ZNF521: variants seen among roughly 807,000 people sequenced by gnomAD.
The protein encoded by ZNF521 is LYST-interacting protein 3.
A neutral mutation model predicts 105.5 loss-of-function variants in ZNF521; 14 were observed. The ratio of observed to expected loss-of-function variants is 0.13; its 90% CI spans 0.09 to 0.21. ZNF521 has a LOEUF of 0.21. Ranked by LOEUF, ZNF521 falls within the 10% of genes least tolerant of loss-of-function variation. The pLI is 1.00. For missense variants in ZNF521, 1,233 were observed against 1,629.7 expected, an observed-to-expected ratio of 0.76 and a Z score of 4.19; for synonymous variants, 635 against 606.0, an observed-to-expected ratio of 1.05 and a Z score of -0.70.
chr18:25,268,336 T>C (rs1909414379), intron 3 of ZNF521, among the ~76,000 whole-genome samples: 1 of 152,034 alleles, frequency 6.6e-6, no homozygotes, highest in African/African-American at 2.4e-5. Flanking sequence ...ATGGGGACAA[T>C]AGAACCAAGT....
At chr18:25,101,896 G>A (rs762983662) in intron 5 of ZNF521, among the ~76,000 whole-genome samples, 17 of 152,080 alleles carry the variant, frequency 1.1e-4, no homozygotes, top group Admixed American at 3.3e-4. Context: ...GGCTCAAGCA[G>A]CCAACTACGT....
intron 2 of ZNF521, among the ~76,000 whole-genome samples, chr18:25,349,559 G>T (rs1914613923): frequency 6.6e-6 from 1 of 152,148 alleles, no homozygotes; most frequent in Non-Finnish European, 1.5e-5. Flanking sequence ...TGTGTGCGGT[G>T]AGGGCTCCGT....
At chr18:25,174,005 TAACTC>T (rs1248064630) in intron 5 of ZNF521, among the ~76,000 whole-genome samples, 4 of 152,200 alleles carry the variant, frequency 2.6e-5, no homozygotes, top group Non-Finnish European at 4.4e-5. Context: ...GAGCACTAAT[TAACTC>T]AAGAGTTAAC....
chr18:25,335,354 G>T (rs1568085117), intron 2 of ZNF521, among the ~76,000 whole-genome samples: 1 of 152,112 alleles, frequency 6.6e-6, no homozygotes, highest in Admixed American at 6.5e-5. Context: ...CAGCAAGTGG[G>T]TCATCTCTAG....
At chr18:25,254,097 C>A (rs1256683997) in intron 3 of ZNF521, among the ~76,000 whole-genome samples, 1 of 152,030 alleles carries the variant, frequency 6.6e-6, no homozygotes, top group African/African-American at 2.4e-5. Context: ...AAGTTCTTTG[C>A]CTAAAGTCCT....
At chr18:25,306,221 A>G (rs563336820) in intron 3 of ZNF521, among the ~76,000 whole-genome samples, 1 of 151,846 alleles carries the variant, frequency 6.6e-6, no homozygotes, top group East Asian at 1.9e-4. Context: ...GAATGATTAC[A>G]TTGATTTTTT....
Position 25,226,276 on chromosome 18 carries a change from C to T in ZNF521, c.1642G>A (p.Val548Met). ...DLSGSRFGSP[V>M]LGTPKEPVVE... is the part of the protein sequence containing the mutation. ...ACTGGTTCTTTGGGAGTCCCAAGCA[C>T]TGGAGACCCAAATCGGGAGCCACTG... Residue 548 changes from valine to methionine, a missense_variant, in exon 4 of 8, where the codon GTG becomes ATG. Val to Met is a conservative substitution (Grantham distance 21). This residue lies in a region of ZNF521 where 380 missense variants were observed against 478.0 expected (regional missense o/e 0.80). Coordinates refer to ENST00000361524, the MANE Select transcript of ZNF521 (RefSeq NM_015461.3). The surrounding 1 kb of genome is among the most constrained non-coding windows in gnomAD (Gnocchi z 4.1). The T allele has an allele frequency of 6.2e-7, 1 of 1,614,204 alleles. No homozygotes were observed.
rs8091240 is a variant in ZNF521, at chr18:25,340,950, A to G, written c.40+9957T>C. ...AATGGTTTTATTTTGAAGATTAAAAATTTGGTATAATGATGCAATAGTTAT... is the reference window on the plus strand; with the variant it reads ...AATGGTTTTATTTTGAAGATTAAAAGTTTGGTATAATGATGCAATAGTTAT... On this transcript the variant is annotated intron_variant, in intron 2 of 7. Coordinates refer to ENST00000361524, the MANE Select transcript of ZNF521 (RefSeq NM_015461.3). Among the ~76,000 whole-genome samples the G allele has an allele frequency of 8.7e-3, 1,326 of 152,328 alleles. 14 individuals are homozygous for G. Among genetic ancestry groups the G allele is most frequent in the African/African-American group, 0.031 (1,273 of 41,570 alleles).
chr18:25,323,003 T>C (rs1236535119), intron 2 of ZNF521, among the ~76,000 whole-genome samples: 1 of 151,990 alleles, frequency 6.6e-6, no homozygotes, highest in Non-Finnish European at 1.5e-5. Context: ...GAAAAGCACG[T>C]GGAATGCTTT....
intron 4 of ZNF521, chr18:25,201,629 C>A (rs1179033390): frequency 6.6e-6 from 1 of 152,192 alleles, no homozygotes; most frequent in African/African-American, 2.4e-5. Flanking sequence ...TCCCATAGCT[C>A]TCAGCTCCCT....
In ZNF521 at chr18:25,223,041, T is replaced by G. The variant is rs539067019; in HGVS notation, c.3573+1304A>C. Among the ~76,000 whole-genome samples the G allele has an allele frequency of 2.0e-3, 308 of 152,318 alleles. 3 individuals carry two copies. The highest frequency in any genetic ancestry group is 6.6e-3 in the African/African-American group (275 of 41,568). On this transcript the variant is annotated intron_variant, in intron 4 of 7. Coordinates refer to ENST00000361524, the MANE Select transcript of ZNF521 (RefSeq NM_015461.3). The stretch of plus-strand genomic sequence containing the variant: ...GTGTTCGCTGTGTTGGTCCTTTAAC[T>G]TTTCTATAGGTTTAAAAAATTCCGA...
At chr18:25,180,746 A>C (rs1190456094) in intron 5 of ZNF521, among the ~76,000 whole-genome samples, 1 of 152,112 alleles carries the variant, frequency 6.6e-6, no homozygotes, top group Non-Finnish European at 1.5e-5. Context: ...TTCCAGCCCA[A>C]AACGATTGAG....
At chr18:25,203,494 G>A (rs1482718912) in intron 4 of ZNF521, among the ~76,000 whole-genome samples, 1 of 152,114 alleles carries the variant, frequency 6.6e-6, no homozygotes, top group Non-Finnish European at 1.5e-5. Flanking sequence ...GTTTGTGCCT[G>A]TATTTCTAGC....
chr18:25,226,942 A>G lies in ZNF521; in HGVS notation c.976T>C (p.Tyr326His). The G allele has an allele frequency of 6.2e-7, 1 of 1,613,900 alleles. No homozygotes were observed. The highest frequency in any genetic ancestry group is 8.5e-7 in the Non-Finnish European group (1 of 1,179,996). Reference protein sequence around the residue: ...SESFHTVEELYSHMDSHQQPE... With the variant: ...SESFHTVEELHSHMDSHQQPE... ...TGCTGGTGACTGTCCATGTGGCTGT[A>G]CAGTTCCTCAACTGTGTGGAAACTC... Residue 326 changes from tyrosine (Y) to histidine (H), a missense_variant, in exon 4 of 8, where the codon TAC becomes CAC. Around this residue, in one of 6 missense-constraint regions of ZNF521, gnomAD observed 380 missense variants for 478.0 expected, o/e 0.80. Transcript: ENST00000361524. This position sits in a 1 kb window ranked among gnomAD's most constrained non-coding sequence, Gnocchi z 4.1.
intron 2 of ZNF521, chr18:25,327,376 G>A: frequency 3.8e-6 from 4 of 1,055,490 alleles, no homozygotes; most frequent in Non-Finnish European, 4.6e-6. Context: ...GTCTAATGAT[G>A]TTGTATTTAA....
intron 5 of ZNF521, among the ~76,000 whole-genome samples, chr18:25,137,226 T>C (rs1241119259): frequency 6.6e-6 from 1 of 152,148 alleles, no homozygotes; most frequent in Non-Finnish European, 1.5e-5. Context: ...ACAACCACAG[T>C]GTATGGCATG....
chr18:25,092,111 A>G (rs2144219502), intron 5 of ZNF521, 30 bp from the exon 6 acceptor site: 1 of 1,612,786 alleles, frequency 6.2e-7, no homozygotes, highest in South Asian at 1.1e-5. Flanking sequence ...AAGAGAAATG[A>G]TGAAAACCTG....
At chr18:25,335,332 G>A (rs979913042) in intron 2 of ZNF521, among the ~76,000 whole-genome samples, 3 of 152,090 alleles carry the variant, frequency 2.0e-5, no homozygotes, top group Non-Finnish European at 2.9e-5. Flanking sequence ...TAAGGTCTTT[G>A]GGTCTTGGAG....
At chr18:25,067,518 G>A (rs1313874141) in intron 7 of ZNF521, among the ~76,000 whole-genome samples, 1 of 152,030 alleles carries the variant, frequency 6.6e-6, no homozygotes, top group Non-Finnish European at 1.5e-5. Flanking sequence ...TTTTCTGAGA[G>A]CTGACCACAT....
Sources: gnomAD v4.1 joint callset for allele counts (sites outside exome capture counted in the v4.1 genomes callset) on GRCh38, gnomAD v4.1.1 for gene constraint, gnomAD v4.1.1 regional missense constraint, Gnocchi (gnomAD v3.1) non-coding constraint, MANE v1.5 for transcripts, NCBI Gene and HGNC (gene_info 2026-07-23, HGNC 2026-07-21) for gene names.